The following NPTX2 variants were observed in gnomAD, a reference collection of about 807,000 sequenced individuals.
NPTX2 encodes neuronal pentraxin 2, also known as neuronal pentraxin-2.
NPTX2 carries 23 observed loss-of-function variants against 38.1 expected under a neutral mutation model. The observed-to-expected ratio is 0.60, with a 90% CI of 0.43 to 0.85. The LOEUF is 0.85. NPTX2 is among the 40% of genes least tolerant of loss of function. The pLI, the probability that NPTX2 is intolerant of heterozygous loss-of-function variation, is 0.00. For missense variants in NPTX2, 553 were observed against 615.3 expected (o/e 0.90, Z 1.07); for synonymous variants, 291 against 287.3 (o/e 1.01, Z -0.13).
intron 2 of NPTX2, chr7:98,620,104 G>T: frequency 3.6e-6 from 2 of 553,686 alleles, no homozygotes; most frequent in East Asian, 6.2e-5. Context: ...AACCACACGG[G>T]CGTTTCAGTC....
intron 3 of NPTX2, among the ~76,000 whole-genome samples, chr7:98,625,600 A>G (rs1791335622): frequency 6.6e-6 from 1 of 152,136 alleles, no homozygotes; most frequent in Admixed American, 6.5e-5. Flanking sequence ...TACATACAGC[A>G]AAGTGTACCC....
At chr7:98,622,388 G>A (rs1224451930) in intron 2 of NPTX2, among the ~76,000 whole-genome samples, 6 of 152,146 alleles carry the variant, frequency 3.9e-5, no homozygotes, top group Admixed American at 1.3e-4. Context: ...TTACCCACAC[G>A]GAGTCGTATC....
chr7:98,618,630 C>T (rs1791223260), intron 1 of NPTX2, among the ~76,000 whole-genome samples: 1 of 143,106 alleles, frequency 7.0e-6, no homozygotes, highest in South Asian at 2.4e-4. Context: ...GCCTCCGTCT[C>T]ATCTCTATCT....
intron 3 of NPTX2, 111 bp downstream of exon 3, chr7:98,625,277 A>AT: frequency 1.4e-6 from 2 of 1,393,570 alleles, no homozygotes; most frequent in Non-Finnish European, 1.9e-6. Context: ...GCAGTGTCCC[A>AT]GACATGGGAC....
chr7:98,625,575 T>C (rs2115628625), intron 3 of NPTX2, among the ~76,000 whole-genome samples: 1 of 152,222 alleles, frequency 6.6e-6, no homozygotes, highest in Middle Eastern at 3.4e-3. Context: ...GGGTCAGGTT[T>C]CTAGAGATAT....
Position 98,628,727 on chromosome 7 carries a change from A to C in NPTX2, c.*98A>C. ...CTTAAACTCTTGTCAGTCTGGGCTC[A>C]GGGTTCCCAGAGCTCATTCCCCAGG... On this transcript the variant is annotated 3_prime_UTR_variant, in exon 5 of 5. Coordinates refer to ENST00000265634, the MANE Select transcript of NPTX2 (RefSeq NM_002523.3). The C allele has an allele frequency of 1.7e-6, 1 of 604,428 alleles. No homozygotes were observed. The highest frequency in any genetic ancestry group is 3.0e-5 in the Admixed American group (1 of 33,680). 37.4% of individuals were successfully genotyped at this position (604,428 alleles called of 1,614,324 possible).
At position 98,625,023 on chromosome 7, in the gene NPTX2, G is replaced by A. The variant is rs139292298; in HGVS notation, c.745G>A (p.Ala249Thr). 12 of 1,613,722 alleles carry A rather than the reference G, an allele frequency of 7.4e-6. No homozygotes were observed. Among genetic ancestry groups the A allele is most frequent in the African/African-American group, 5.3e-5 (4 of 74,938 alleles). The part of the protein sequence containing the change: ...KIKKTLPELY[A>T]FTICLWLRSS... ...CAAGAAGACGCTGCCTGAGCTGTAC[G>A]CCTTCACCATCTGCCTGTGGCTGCG... The change falls in exon 3 of 5, where the codon GCC becomes ACC. Residue 249 changes from alanine (A) to threonine (T), a missense_variant. Coordinates refer to ENST00000265634, the MANE Select transcript of NPTX2 (RefSeq NM_002523.3).
At chr7:98,625,305 C>G in intron 3 of NPTX2, 139 bp downstream of exon 3, 2 of 1,112,236 alleles carry the variant, frequency 1.8e-6, no homozygotes, top group East Asian at 2.9e-5. Flanking sequence ...CTGTCCTCCT[C>G]GAGGTGGGGA....
In NPTX2 at chr7:98,618,760, C is replaced by A. The variant is rs111600566; in HGVS notation, c.426+873C>A. On this transcript the variant is annotated intron_variant, in intron 1 of 4. Transcript: ENST00000265634. ...GTTAATAGCCTTTGTGAAAATACTT[C>A]TCAGCAAAACTAGGTTTAAATTACA... 2.5e-3 allele frequency among the ~76,000 whole-genome samples: 375 copies of A among 152,078 alleles called. 3 individuals are homozygous for A. Among genetic ancestry groups the A allele is most frequent in the African/African-American group, 8.6e-3 (356 of 41,494 alleles).
Position 98,619,751 on chromosome 7 carries a change from G to C in NPTX2, c.535G>C (p.Glu179Gln). ...GAGGCAGCTTCTGCGCAAGGTGGCA[G>C]AGCTGGAGGACGAGAAGTCCCTGCT... ...LERQLLRKVA[E>Q]LEDEKSLLHN... The change falls in exon 2 of 5, where the codon GAG (glutamate) becomes CAG (glutamine). Residue 179 changes from glutamate to glutamine, a missense_variant. Transcript: ENST00000265634. The C allele has an allele frequency of 6.2e-7, 1 of 1,613,476 alleles. No individual in the cohort carries two copies.
In NPTX2 at chr7:98,628,581, C is replaced by T. The variant is rs563873034; in HGVS notation, c.1248C>T (p.Ala416=). ...ATAACGTCGATGTGTTCGGAGGGGC[C>T]TCCAAGTGGCCCGTGGAGACGTGTG... The part of the protein sequence containing the change: ...VDNNVDVFGG[A]SKWPVETCEE... Residue 416 remains alanine (A), a synonymous_variant, in exon 5 of 5, where the codon GCC becomes GCT. Transcript: ENST00000265634. 2 of 1,604,244 alleles carry T rather than the reference C, an allele frequency of 1.2e-6. No individual in the cohort carries two copies. The highest frequency in any genetic ancestry group is 1.1e-5 in the South Asian group (1 of 89,550).
At chr7:98,623,674 C>T (rs575681857) in intron 2 of NPTX2, among the ~76,000 whole-genome samples, 53 of 152,240 alleles carry the variant, frequency 3.5e-4, no homozygotes, top group Middle Eastern at 3.4e-3. Context: ...AGTCAAGACC[C>T]GGGAGCCTGA....
At chr7:98,626,286 G>C (rs1791349440) in intron 3 of NPTX2, among the ~76,000 whole-genome samples, 1 of 151,818 alleles carries the variant, frequency 6.6e-6, no homozygotes, top group African/African-American at 2.4e-5. Flanking sequence ...TTGGGCATTT[G>C]AGTGGCTACG....
chr7:98,622,649 T>C (rs1230490224), intron 2 of NPTX2, among the ~76,000 whole-genome samples: 1 of 152,234 alleles, frequency 6.6e-6, no homozygotes. Context: ...AGGGACACTC[T>C]GGTTCTCTCT....
rs1316311051 is a variant in NPTX2 at position 98,627,398 on chromosome 7, G to A, written c.1068+54G>A. On this transcript the variant is annotated intron_variant, in intron 4 of 4. Coordinates refer to ENST00000265634, the MANE Select transcript of NPTX2 (RefSeq NM_002523.3). The stretch of plus-strand genomic sequence containing the variant: ...CAGGGTGGGTGCAGGATGGGCACAG[G>A]GTGGCCGTGCGCCCTTTCAGGGATG... 6.7e-6 allele frequency: 10 copies of A among 1,491,876 alleles called. No homozygotes were observed. The East Asian group carries it at 2.3e-4, about 34-fold the overall frequency. 92.4% of individuals were successfully genotyped at this position (1,491,876 alleles called of 1,614,324 possible).
Position 98,628,681 on chromosome 7 carries a change from T to TC in NPTX2, c.*53dup. 2.3e-6 allele frequency: 2 copies of TC among 861,330 alleles called. No homozygotes were observed. Among genetic ancestry groups the TC allele is most frequent in the Non-Finnish European group, 3.6e-6 (2 of 550,040 alleles). 53.4% of individuals were successfully genotyped at this position (861,330 alleles called of 1,614,324 possible). A position where few individuals can be genotyped will look rare whatever the true frequency, so the allele number is the denominator to read the frequency against. On this transcript the variant is annotated 3_prime_UTR_variant, in exon 5 of 5. Coordinates refer to ENST00000265634, the MANE Select transcript of NPTX2 (RefSeq NM_002523.3). ...GGGATCAGGCTGTTGCCATGGAAGT[T>TC]CAGGGCCATAGACTGCCCCACTTAA...
intron 1 of NPTX2, 116 bp downstream of exon 1, chr7:98,618,003 G>T (rs918550569): frequency 2.8e-6 from 3 of 1,068,908 alleles, no homozygotes; most frequent in African/African-American, 3.3e-5. Context: ...GTGATCGTCC[G>T]TGGGGGTGAG....
Position 98,620,257 on chromosome 7 carries a change from G to A in NPTX2, c.643+398G>A, listed in dbSNP as rs987311792. On this transcript the variant is annotated intron_variant, in intron 2 of 4. Coordinates refer to ENST00000265634, the MANE Select transcript of NPTX2 (RefSeq NM_002523.3). ...TTGCGTCATCAACCCCCAAACCACTGGGTGGCTTGGGTTTGAAGTTGTAGG... is the reference window on the plus strand; with the variant it reads ...TTGCGTCATCAACCCCCAAACCACTAGGTGGCTTGGGTTTGAAGTTGTAGG... 3 of 218,164 alleles carry A rather than the reference G, an allele frequency of 1.4e-5. No homozygotes were observed. The Admixed American group carries it at 1.5e-4, about 11-fold the overall frequency. The allele number at this position is 218,164 out of a possible 1,614,324, so 13.5% of individuals were successfully genotyped here.
intron 1 of NPTX2, among the ~76,000 whole-genome samples, chr7:98,618,569 T>TCCCCCC (rs145792464): frequency 4.3e-4 from 13 of 30,086 alleles, no homozygotes; most frequent in South Asian, 1.2e-3. Flanking sequence ...TCTCTCTCTC[T>TCCCCCC]CCCCCCCTCC....
Sources: allele counts gnomAD v4.1 joint callset (sites outside exome capture counted in the v4.1 genomes callset), GRCh38; gene constraint gnomAD v4.1.1; transcripts MANE v1.5; gene names NCBI Gene and HGNC (gene_info 2026-07-23, HGNC 2026-07-21).